Variants in PRKAG2 observed in about 807,000 individuals in gnomAD.
PRKAG2 encodes the protein protein kinase AMP-activated non-catalytic subunit gamma 2, also known as 5'-AMP-activated protein kinase subunit gamma-2.
In PRKAG2, 26 loss-of-function variants were observed where a neutral mutation model predicts 69.6. The observed-to-expected ratio is 0.37, with a 90% CI of 0.27 to 0.52. PRKAG2 has a LOEUF of 0.52. Ranked by LOEUF, PRKAG2 falls within the 20% of genes least tolerant of loss-of-function variation. The pLI, the probability that PRKAG2 is intolerant of heterozygous loss-of-function variation, is 0.90. For missense variants in PRKAG2, 557 were observed against 740.0 expected (o/e 0.75, Z 2.87); for synonymous variants, 293 against 285.0 (o/e 1.03, Z -0.28).
At position 151,772,901 on chromosome 7, in the gene PRKAG2, C is replaced by T. The variant is rs145151597; in HGVS notation, c.466+8251G>A. ...TTGCGGGCAAAGGGCAGGAGGATCG[C>T]TTGAGCCTGGGAAGTTGAGGCTCTG... On this transcript the variant is annotated intron_variant, in intron 3 of 15. Coordinates refer to ENST00000287878, the MANE Select transcript of PRKAG2 (RefSeq NM_016203.4). 6.3e-3 allele frequency among the ~76,000 whole-genome samples: 953 copies of T among 151,402 alleles called. 10 individuals carry two copies. Among genetic ancestry groups the T allele is most frequent in the African/African-American group, 0.022 (906 of 41,114 alleles).
At chr7:151,611,551 G>C (rs1818868058) in intron 5 of PRKAG2, among the ~76,000 whole-genome samples, 1 of 152,190 alleles carries the variant, frequency 6.6e-6, no homozygotes, top group African/African-American at 2.4e-5. Flanking sequence ...GGCCAGGTTA[G>C]TGAGCACAGA....
chr7:151,733,204 C>T (rs1163488219), intron 3 of PRKAG2, among the ~76,000 whole-genome samples: 2 of 152,218 alleles, frequency 1.3e-5, no homozygotes, highest in African/African-American at 4.8e-5. Flanking sequence ...GACACACTAA[C>T]CAAAGTCAGA....
At chr7:151,849,202 G>GAC (rs1264941462) in intron 1 of PRKAG2, among the ~76,000 whole-genome samples, 3 of 152,270 alleles carry the variant, frequency 2.0e-5, no homozygotes, top group African/African-American at 7.2e-5. Flanking sequence ...CAGGCCCTGA[G>GAC]ACACAGGCTG....
chr7:151,684,643 C>T (rs1007184340), intron 3 of PRKAG2, among the ~76,000 whole-genome samples: 15 of 152,148 alleles, frequency 9.9e-5, no homozygotes, highest in African/African-American at 2.4e-5. Context: ...CTAGCTTCTG[C>T]CTTGCCTGGG....
In PRKAG2 at chr7:151,563,904, G is replaced by A. The variant is rs74824733; in HGVS notation, c.1584+174C>T. Among the ~76,000 whole-genome samples, 9 of 152,248 alleles carry A rather than the reference G, an allele frequency of 5.9e-5. No homozygotes were observed. In the East Asian group the frequency reaches 1.5e-3, roughly 26 times the overall value. ...TCAATTCAACAAACTTTTAGAGATC[G>A]CCTATATGCCAAGTAGTGTGCCAGG... On this transcript the variant is annotated intron_variant, in intron 14 of 15. Coordinates refer to ENST00000287878, the MANE Select transcript of PRKAG2 (RefSeq NM_016203.4).
chr7:151,570,316 ATAGT>A lies in PRKAG2; in HGVS notation c.1052-95_1052-92del, dbSNP rs372363868. On this transcript the variant is annotated intron_variant, in intron 9 of 15. Transcript: ENST00000287878. The stretch of plus-strand genomic sequence containing the variant: ...TCAAATACCCTTCAGTTTACGGTTA[ATAGT>A]TAGAAGGATTAAAAACTCAAATAAA... 147 of 1,392,522 alleles carry A rather than the reference ATAGT, an allele frequency of 1.1e-4. No homozygotes were observed. In the African/African-American group the frequency reaches 1.7e-3, roughly 16 times the overall value. 86.3% of individuals were successfully genotyped at this position (1,392,522 alleles called of 1,614,324 possible). A position where few individuals can be genotyped will look rare whatever the true frequency, so the allele number is the denominator to read the frequency against.
rs1824781159 is a variant in PRKAG2, at chr7:151,632,291, G to C, written c.685-153C>G. The stretch of plus-strand genomic sequence containing the variant: ...GACGCGGGCAGCGGGGGCCGGGGGC[G>C]GAGCGGGAGCGCTGCCCCCACCCGC... On this transcript the variant is annotated intron_variant, in intron 4 of 15. Transcript: ENST00000287878. The surrounding 1 kb of genome is among the most constrained non-coding windows in gnomAD (Gnocchi z 4.2). 1.1e-6 allele frequency: 1 copy of C among 948,900 alleles called. No individual in the cohort carries two copies. Among genetic ancestry groups the C allele is most frequent in the Non-Finnish European group, 1.3e-6 (1 of 796,844 alleles). 58.8% of individuals were successfully genotyped at this position (948,900 alleles called of 1,614,324 possible).
At chr7:151,729,854 G>A (rs1403784896) in intron 3 of PRKAG2, among the ~76,000 whole-genome samples, 3 of 152,118 alleles carry the variant, frequency 2.0e-5, no homozygotes, top group African/African-American at 2.4e-5. Flanking sequence ...CCGACCCCTC[G>A]CCCTGCCTCC....
At chr7:151,712,962 G>A (rs1795564841) in intron 3 of PRKAG2, among the ~76,000 whole-genome samples, 1 of 152,232 alleles carries the variant, frequency 6.6e-6, no homozygotes, top group African/African-American at 2.4e-5. Context: ...GATTGTCATG[G>A]AGAGCCCTGT....
chr7:151,643,031 GC>G (rs1377111056), intron 4 of PRKAG2, among the ~76,000 whole-genome samples: 1 of 152,258 alleles, frequency 6.6e-6, no homozygotes, highest in Non-Finnish European at 1.5e-5. Context: ...TGGAGAATCA[GC>G]ATGATTGCCT....
chr7:151,698,263 T>C (rs7780804), intron 3 of PRKAG2, among the ~76,000 whole-genome samples: 39,716 of 152,154 alleles, frequency 0.26, 5,339 homozygotes, highest in Non-Finnish European at 0.28. Context: ...CTTCACCAGG[T>C]CCCTTGTGAG....
chr7:151,644,991 C>A (rs1234250611), intron 4 of PRKAG2, among the ~76,000 whole-genome samples: 1 of 151,868 alleles, frequency 6.6e-6, no homozygotes, highest in African/African-American at 2.4e-5. Context: ...TGACTGTACA[C>A]ATCTTTTGTC....
chr7:151,872,288 G>GC (rs1348214132), intron 1 of PRKAG2, among the ~76,000 whole-genome samples: 1 of 152,166 alleles, frequency 6.6e-6, no homozygotes, highest in South Asian at 2.1e-4. Context: ...CTTACCCTGG[G>GC]GGGGGGCTTT....
At chr7:151,806,913 C>T (rs751689684) in intron 1 of PRKAG2, 2 of 443,510 alleles carry the variant, frequency 4.5e-6, no homozygotes, top group South Asian at 3.2e-5. Flanking sequence ...TTGAAGTGAG[C>T]CAAGATCGCA....
At chr7:151,776,314 C>T (rs527785998) in intron 3 of PRKAG2, among the ~76,000 whole-genome samples, 24 of 152,358 alleles carry the variant, frequency 1.6e-4, no homozygotes, top group South Asian at 8.3e-4. Context: ...TTCCTGAGCC[C>T]GGCCCCTGGC....
chr7:151,575,021 C>A, intron 7 of PRKAG2, 72 bp from the exon 8 acceptor site: 1 of 1,586,254 alleles, frequency 6.3e-7, no homozygotes, highest in South Asian at 1.1e-5. Context: ...GACAAGTGAG[C>A]CTAGAATATA....
Position 151,860,634 on chromosome 7 carries a change from A to G in PRKAG2, c.114+15873T>C, listed in dbSNP as rs58398623. On this transcript the variant is annotated intron_variant, in intron 1 of 15. Transcript: ENST00000287878. ...ACTTGGGAGCCTGAGTGTTCTCTAA[A>G]AGCCCCATATTTATTTTCTGGAGTC... Among the ~76,000 whole-genome samples the G allele has an allele frequency of 3.0e-3, 456 of 152,226 alleles. 2 individuals carry two copies. Among genetic ancestry groups the G allele is most frequent in the African/African-American group, 0.011 (439 of 41,532 alleles).
At position 151,567,226 on chromosome 7, in the gene PRKAG2, C is replaced by A. The variant is rs1478452920; in HGVS notation, c.1234-1341G>T. Among the ~76,000 whole-genome samples, 3 of 152,122 alleles carry A rather than the reference C, an allele frequency of 2.0e-5. No homozygotes were observed. In the East Asian group the frequency reaches 5.8e-4, roughly 29 times the overall value. The stretch of plus-strand genomic sequence containing the variant: ...AAACGCCTCCCTCCCAAGGCCCCTG[C>A]GTGGAGAAAAGCATGGGGAGTGAGG... On this transcript the variant is annotated intron_variant, in intron 11 of 15. Transcript: ENST00000287878. The surrounding 1 kb of genome is among the most constrained non-coding windows in gnomAD (Gnocchi z 4.2).
chr7:151,630,357 A>C (rs1382483289), intron 5 of PRKAG2, among the ~76,000 whole-genome samples: 1 of 152,268 alleles, frequency 6.6e-6, no homozygotes, highest in Non-Finnish European at 1.5e-5. Flanking sequence ...GGTTTCATTA[A>C]TAAAAATCTT....
Sources: allele counts gnomAD v4.1 joint callset (sites outside exome capture counted in the v4.1 genomes callset), GRCh38; gene constraint gnomAD v4.1.1; non-coding constraint Gnocchi (gnomAD v3.1); transcripts MANE v1.5; gene names NCBI Gene and HGNC (gene_info 2026-07-23, HGNC 2026-07-21).